PCSK2: variants seen among roughly 807,000 people sequenced by gnomAD.
PCSK2 encodes the protein proprotein convertase subtilisin/kexin type 2.
A neutral mutation model predicts 69.7 loss-of-function variants in PCSK2; 14 were observed. The ratio of observed to expected loss-of-function variants is 0.20; its 90% CI spans 0.13 to 0.31. The LOEUF (loss-of-function observed/expected upper bound fraction) is 0.31, where lower values mean the gene tolerates loss of function less well. Among genes scored for constraint, PCSK2 ranks in the 10% least tolerant of loss-of-function variants. PCSK2 has a pLI of 1.00. For synonymous variants in PCSK2, 307 were observed against 320.7 expected (o/e 0.96, Z 0.46); for missense variants, 544 against 842.5 (o/e 0.65, Z 4.39).
intron 10 of PCSK2, among the ~76,000 whole-genome samples, chr20:17,456,967 A>T (rs775098399): frequency 2.4e-4 from 37 of 152,310 alleles, no homozygotes; most frequent in Non-Finnish European, 3.8e-4. Context: ...AGACCAAGAT[A>T]TGGGCTTTCC....
chr20:17,332,470 G>A (rs1339285481), intron 2 of PCSK2, among the ~76,000 whole-genome samples: 1 of 152,120 alleles, frequency 6.6e-6, no homozygotes, highest in Non-Finnish European at 1.5e-5. Flanking sequence ...TGATAAGAAA[G>A]AGATCACTGA....
chr20:17,227,112 G>A lies in PCSK2; in HGVS notation c.-194G>A. The A allele has an allele frequency of 1.8e-6, 1 of 555,776 alleles. No individual in the cohort carries two copies. The highest frequency in any genetic ancestry group is 2.9e-5 in the East Asian group (1 of 34,228). The allele number at this position is 555,776 out of a possible 1,614,324, so 34.4% of individuals were successfully genotyped here. ...CGCGCGCCGGGCCGCCTGACTGCAC[G>A]GCTTCCCCTCCAGCCAGATGCTGGA... On this transcript the variant is annotated 5_prime_UTR_variant, in exon 1 of 12. Transcript: ENST00000262545.
At chr20:17,339,678 G>A (rs530346585) in intron 2 of PCSK2, among the ~76,000 whole-genome samples, 6 of 151,976 alleles carry the variant, frequency 3.9e-5, no homozygotes, top group African/African-American at 9.7e-5. Flanking sequence ...CTTTTCCAAC[G>A]GTTCTGTTTA....
At chr20:17,350,522 TGA>T (rs2029947748) in intron 2 of PCSK2, among the ~76,000 whole-genome samples, 1 of 151,824 alleles carries the variant, frequency 6.6e-6, no homozygotes, top group South Asian at 2.1e-4. Context: ...AGCAGGGAAG[TGA>T]TCATGGCCCA....
At chr20:17,302,526 C>A (rs1009934018) in intron 2 of PCSK2, among the ~76,000 whole-genome samples, 3 of 152,108 alleles carry the variant, frequency 2.0e-5, no homozygotes, top group African/African-American at 7.2e-5. Flanking sequence ...ACTTTTGGAG[C>A]CCTTTATGTC....
chr20:17,259,321 A>G (rs1987291044), intron 1 of PCSK2, among the ~76,000 whole-genome samples: 1 of 152,240 alleles, frequency 6.6e-6, no homozygotes, highest in South Asian at 2.1e-4. Flanking sequence ...AATTAAATTA[A>G]TTAATCAGGT....
At chr20:17,465,167 G>T in intron 10 of PCSK2, 159 bp from the exon 11 acceptor site, 1 of 692,066 alleles carries the variant, frequency 1.4e-6, no homozygotes. Flanking sequence ...TTTGAATGGT[G>T]CATGGACACC....
intron 11 of PCSK2, among the ~76,000 whole-genome samples, chr20:17,479,824 A>G (rs1439793418): frequency 6.9e-6 from 1 of 145,214 alleles, no homozygotes; most frequent in Non-Finnish European, 1.5e-5. Flanking sequence ...AAAAAAAAGA[A>G]CTATCCACAA....
chr20:17,437,431 G>A (rs1325517344), intron 8 of PCSK2, among the ~76,000 whole-genome samples: 1 of 152,180 alleles, frequency 6.6e-6, no homozygotes, highest in African/African-American at 2.4e-5. Flanking sequence ...CCTCCAAAGG[G>A]ATGAGATGCA....
At chr20:17,363,745 C>G (rs2030484583) in intron 4 of PCSK2, among the ~76,000 whole-genome samples, 1 of 152,194 alleles carries the variant, frequency 6.6e-6, no homozygotes, top group African/African-American at 2.4e-5. Context: ...TAAGAATAAA[C>G]AACTAACAGT....
chr20:17,391,810 G>A (rs1568630580), intron 5 of PCSK2, among the ~76,000 whole-genome samples: 1 of 151,982 alleles, frequency 6.6e-6, no homozygotes, highest in Non-Finnish European at 1.5e-5. Context: ...GATCAAGGCT[G>A]CAGTGAGCTA....
At chr20:17,240,087 C>T (rs558451976) in intron 1 of PCSK2, among the ~76,000 whole-genome samples, 36 of 151,864 alleles carry the variant, frequency 2.4e-4, no homozygotes, top group Non-Finnish European at 5.0e-4. Context: ...CTCCTGACCT[C>T]GTGATCCACC....
chr20:17,311,943 T>C (rs2123113431), intron 2 of PCSK2, among the ~76,000 whole-genome samples: 1 of 152,308 alleles, frequency 6.6e-6, no homozygotes, highest in South Asian at 2.1e-4. Flanking sequence ...TCTCTCTCCC[T>C]CATTCAGTAT....
chr20:17,361,992 C>T (rs1011795018), intron 4 of PCSK2, among the ~76,000 whole-genome samples: 1 of 152,226 alleles, frequency 6.6e-6, no homozygotes, highest in African/African-American at 2.4e-5. Flanking sequence ...ATGACCATTT[C>T]TAACAGCATA....
chr20:17,377,565 C>T (rs2030963855), intron 5 of PCSK2, among the ~76,000 whole-genome samples: 1 of 152,190 alleles, frequency 6.6e-6, no homozygotes, highest in Non-Finnish European at 1.5e-5. Flanking sequence ...GGCTTTTAGG[C>T]CTATGAATAT....
intron 2 of PCSK2, among the ~76,000 whole-genome samples, chr20:17,333,958 T>A (rs1386195040): frequency 6.9e-6 from 1 of 144,218 alleles, no homozygotes; most frequent in Non-Finnish European, 1.5e-5. Flanking sequence ...TAGATAGTTG[T>A]GTATTCATAG....
intron 5 of PCSK2, among the ~76,000 whole-genome samples, chr20:17,404,220 A>G (rs1347226288): frequency 1.3e-5 from 2 of 152,184 alleles, no homozygotes; most frequent in African/African-American, 2.4e-5. Context: ...TACAGAATCC[A>G]TTTTCACAAT....
chr20:17,237,239 C>A (rs1986377228), intron 1 of PCSK2, among the ~76,000 whole-genome samples: 1 of 152,132 alleles, frequency 6.6e-6, no homozygotes, highest in Admixed American at 6.5e-5. Flanking sequence ...AAAAATTGAG[C>A]ACTTCCAGAT....
intron 2 of PCSK2, among the ~76,000 whole-genome samples, chr20:17,286,465 GT>G (rs967423841): frequency 2.0e-5 from 3 of 151,164 alleles, no homozygotes; most frequent in Admixed American, 2.0e-4. Flanking sequence ...TCGTTTTTTT[GT>G]TTTTTTTAGG....
Sources: allele counts gnomAD v4.1 joint callset (sites outside exome capture counted in the v4.1 genomes callset), GRCh38; gene constraint gnomAD v4.1.1; transcripts MANE v1.5; gene names NCBI Gene and HGNC (gene_info 2026-07-23, HGNC 2026-07-21).